Variants in RWDD2A observed in about 807,000 individuals in gnomAD.
The protein encoded by RWDD2A is RWD domain containing 2A.
A neutral mutation model predicts 23.1 loss-of-function variants in RWDD2A; 15 were observed. The observed-to-expected ratio is 0.65, with a 90% CI of 0.43 to 1.00. The LOEUF is 1.00. RWDD2A is among the 50% of genes least tolerant of loss of function. RWDD2A has a pLI of 0.00. For synonymous variants in RWDD2A, 103 were observed against 123.0 expected (o/e 0.84, Z 1.08); for missense variants, 310 against 341.7 (o/e 0.91, Z 0.73).
Position 83,195,708 on chromosome 6 carries a change from T to C in RWDD2A, c.315T>C (p.Gly105=), listed in dbSNP as rs757039949. 1 of 1,614,166 alleles carries C rather than the reference T, an allele frequency of 6.2e-7. No individual in the cohort carries two copies. The highest frequency in any genetic ancestry group is 8.5e-7 in the Non-Finnish European group (1 of 1,180,038). ...DRHQQLLLNK[G]LTSYIGTFDP... Reference sequence around the variant, plus strand: ...ATCAGCAGCTACTTCTCAACAAAGGTCTCACTTCTTACATAGGGACTTTTG... The same window carrying C: ...ATCAGCAGCTACTTCTCAACAAAGGCCTCACTTCTTACATAGGGACTTTTG... The change falls in exon 3 of 3, where the codon GGT becomes GGC. Residue 105 remains glycine, a synonymous_variant. Coordinates refer to ENST00000369724, the MANE Select transcript of RWDD2A (RefSeq NM_033411.5).
intron 1 of RWDD2A, 59 bp from the exon 2 acceptor site, chr6:83,194,242 GATGTTGTGCAT>G (rs1265030958): frequency 1.8e-6 from 1 of 545,380 alleles, no homozygotes; most frequent in Non-Finnish European, 3.2e-6. Context: ...TGTTTTAGAG[GATGTTGTGCAT>G]ACTAGATTTT....
At position 83,198,043 on chromosome 6, in the gene RWDD2A, T is replaced by C. The variant is rs1789659605; in HGVS notation, c.*1771T>C. ...CAAAGGGAAGAAATAGGACTTACAT[T>C]GCCAAGGAATCACTTCTTAATGTTT... On this transcript the variant is annotated 3_prime_UTR_variant, in exon 3 of 3. Coordinates refer to ENST00000369724, the MANE Select transcript of RWDD2A (RefSeq NM_033411.5). 6.6e-6 allele frequency: 1 copy of C among 152,208 alleles called. No individual in the cohort carries two copies. Among genetic ancestry groups the C allele is most frequent in the Admixed American group, 6.5e-5 (1 of 15,282 alleles). 9.4% of individuals were successfully genotyped at this position (152,208 alleles called of 1,614,324 possible).
rs998907845 is a variant in RWDD2A at position 83,197,211 on chromosome 6, A to G, written c.*939A>G. 1 of 152,216 alleles carries G rather than the reference A, an allele frequency of 6.6e-6. No individual in the cohort carries two copies. The highest frequency in any genetic ancestry group is 1.9e-4 in the East Asian group (1 of 5,198). The allele number at this position is 152,216 out of a possible 1,614,324, so 9.4% of individuals were successfully genotyped here. A position where few individuals can be genotyped will look rare whatever the true frequency, so the allele number is the denominator to read the frequency against. On this transcript the variant is annotated 3_prime_UTR_variant, in exon 3 of 3. Coordinates refer to ENST00000369724, the MANE Select transcript of RWDD2A (RefSeq NM_033411.5). ...AAGATAAACACATGGTTCCTTGTCT[A>G]CAAAGTATTCGCCTGTTTCAATCCA...
chr6:83,196,213 A>C lies in RWDD2A; in HGVS notation c.820A>C (p.Lys274Gln). 6.2e-7 allele frequency: 1 copy of C among 1,602,552 alleles called. No homozygotes were observed. The highest frequency in any genetic ancestry group is 8.5e-7 in the Non-Finnish European group (1 of 1,175,966). Residue 274 changes from lysine to glutamine, a missense_variant, in exon 3 of 3, where the codon AAA becomes CAA. Transcript: ENST00000369724. ...GQFLEFLKKH[K>Q]SEHVFQILFG... The stretch of plus-strand genomic sequence containing the variant: ...ATTCTTAGAATTTCTCAAGAAGCAC[A>C]AAAGTGAGCATGTTTTTCAGATACT...
At position 83,195,894 on chromosome 6, in the gene RWDD2A, G is replaced by A. The variant is rs777250561; in HGVS notation, c.501G>A (p.Gln167=). Residue 167 remains glutamine, a synonymous_variant, in exon 3 of 3, where the codon CAG becomes CAA. Transcript: ENST00000369724. The stretch of plus-strand genomic sequence containing the variant: ...GGATCTACAGTCACCATATATATCA[G>A]CAGGACCTAAGGAAAAAGATTTTGG... ...RMWIYSHHIY[Q]QDLRKKILDV... 1 of 1,614,192 alleles carries A rather than the reference G, an allele frequency of 6.2e-7. No individual in the cohort carries two copies. The highest frequency in any genetic ancestry group is 8.5e-7 in the Non-Finnish European group (1 of 1,180,048).
At position 83,196,135 on chromosome 6, in the gene RWDD2A, G is replaced by A; in HGVS notation, c.742G>A (p.Glu248Lys). The change falls in exon 3 of 3, where the codon GAG becomes AAG. Residue 248 changes from glutamate to lysine, a missense_variant. Glu to Lys is a moderately conservative substitution (Grantham distance 56). Coordinates refer to ENST00000369724, the MANE Select transcript of RWDD2A (RefSeq NM_033411.5). ...LFHSFEELLL[E>K]AHGDYGLRND... ...CCATTCTTTTGAAGAGTTACTCCTT[G>A]AGGCTCATGGTGACTATGGATTAAG... The A allele has an allele frequency of 6.2e-7, 1 of 1,614,054 alleles. No homozygotes were observed. Among genetic ancestry groups the A allele is most frequent in the Non-Finnish European group, 8.5e-7 (1 of 1,179,972 alleles).
rs973362024 is a variant in RWDD2A at position 83,198,755 on chromosome 6, T to C, written c.*2483T>C. ...TCAGCTGTTTGGCATTTCCTTTGAA[T>C]GACCCAGCATCTTCCCTTTTGTTGT... On this transcript the variant is annotated 3_prime_UTR_variant, in exon 3 of 3. Coordinates refer to ENST00000369724, the MANE Select transcript of RWDD2A (RefSeq NM_033411.5). 4 of 152,238 alleles carry C rather than the reference T, an allele frequency of 2.6e-5. No individual in the cohort carries two copies. The highest frequency in any genetic ancestry group is 6.5e-5 in the Admixed American group (1 of 15,288). The allele number at this position is 152,238 out of a possible 1,614,324, so 9.4% of individuals were successfully genotyped here. A position where few individuals can be genotyped will look rare whatever the true frequency, so the allele number is the denominator to read the frequency against.
chr6:83,195,122 A>G (rs1302951326), intron 2 of RWDD2A, among the ~76,000 whole-genome samples: 2 of 152,242 alleles, frequency 1.3e-5, no homozygotes, highest in African/African-American at 4.8e-5. Context: ...AGCATAGGTA[A>G]TACGTGGACT....
At chr6:83,194,769 A>G (rs1389304921) in intron 2 of RWDD2A, 117 bp downstream of exon 2, 1 of 734,826 alleles carries the variant, frequency 1.4e-6, no homozygotes, top group African/African-American at 1.8e-5. Flanking sequence ...TCCTTGTTTG[A>G]AAGATACGGA....
Position 83,194,625 on chromosome 6 carries a change from A to G in RWDD2A, c.174A>G (p.Val58=), listed in dbSNP as rs1789479674. The G allele has an allele frequency of 6.2e-7, 1 of 1,614,202 alleles. No individual in the cohort carries two copies. The highest frequency in any genetic ancestry group is 2.2e-5 in the East Asian group (1 of 44,886). The change falls in exon 2 of 3, where the codon GTA becomes GTG. Residue 58 remains valine (V), a synonymous_variant. Coordinates refer to ENST00000369724, the MANE Select transcript of RWDD2A (RefSeq NM_033411.5). The stretch of plus-strand genomic sequence containing the variant: ...CGCTGCCACCAAAAATCGAATTTGT[A>G]ATTACACTCCAGATTGAAGAGCCCA... ...REALPPKIEF[V]ITLQIEEPKV...
rs925894249 is a variant in RWDD2A, at chr6:83,196,708, GAGAAC to G, written c.*439_*443del. On this transcript the variant is annotated 3_prime_UTR_variant, in exon 3 of 3. Transcript: ENST00000369724. ...TGGAAATCTAAATCAAGTTTAAAATGAGAACAGGAAGGACATGTTTACTTCCTTTT... is the reference window on the plus strand; with the variant it reads ...TGGAAATCTAAATCAAGTTTAAAATGAGGAAGGACATGTTTACTTCCTTTT... 17 of 152,408 alleles carry G rather than the reference GAGAAC, an allele frequency of 1.1e-4. No individual in the cohort carries two copies. The highest frequency in any genetic ancestry group is 3.9e-4 in the African/African-American group (16 of 41,460). 9.4% of individuals were successfully genotyped at this position (152,408 alleles called of 1,614,324 possible).
At chr6:83,194,233 G>T in intron 1 of RWDD2A, 79 bp from the exon 2 acceptor site, 18 of 479,428 alleles carry the variant, frequency 3.8e-5, no homozygotes, top group East Asian at 1.0e-4. Flanking sequence ...TTTACGGAGT[G>T]TTTTAGAGGA....
rs1789675464 is a variant in RWDD2A, at chr6:83,198,457, G to A, written c.*2185G>A. 1 of 152,006 alleles carries A rather than the reference G, an allele frequency of 6.6e-6. No homozygotes were observed. The highest frequency in any genetic ancestry group is 2.1e-4 in the South Asian group (1 of 4,824). The allele number at this position is 152,006 out of a possible 1,614,324, so 9.4% of individuals were successfully genotyped here. ...CGTGTAGGTTTTATAGAAAAAAAAA[G>A]TACATGTATAATTCAAAACTCAACT... On this transcript the variant is annotated 3_prime_UTR_variant, in exon 3 of 3. Coordinates refer to ENST00000369724, the MANE Select transcript of RWDD2A (RefSeq NM_033411.5).
chr6:83,197,899 T>G lies in RWDD2A; in HGVS notation c.*1627T>G, dbSNP rs992318837. The stretch of plus-strand genomic sequence containing the variant: ...GTCCTCTCAGGGCACAACTCAGATC[T>G]TCAACCCATGGCTCGCTGTAGGCCT... On this transcript the variant is annotated 3_prime_UTR_variant, in exon 3 of 3. Coordinates refer to ENST00000369724, the MANE Select transcript of RWDD2A (RefSeq NM_033411.5). 1 of 152,246 alleles carries G rather than the reference T, an allele frequency of 6.6e-6. No individual in the cohort carries two copies. Among genetic ancestry groups the G allele is most frequent in the Non-Finnish European group, 1.5e-5 (1 of 68,062 alleles). The allele number at this position is 152,246 out of a possible 1,614,324, so 9.4% of individuals were successfully genotyped here. A position where few individuals can be genotyped will look rare whatever the true frequency, so the allele number is the denominator to read the frequency against.
rs1215784381 is a variant in RWDD2A at position 83,196,999 on chromosome 6, TCTTA to T, written c.*731_*734del. 6.6e-6 allele frequency: 1 copy of T among 152,228 alleles called. No individual in the cohort carries two copies. Among genetic ancestry groups the T allele is most frequent in the African/African-American group, 2.4e-5 (1 of 41,452 alleles). 9.4% of individuals were successfully genotyped at this position (152,228 alleles called of 1,614,324 possible). A position where few individuals can be genotyped will look rare whatever the true frequency, so the allele number is the denominator to read the frequency against. Reference sequence around the variant, plus strand: ...CCGCGCCCAGCCCGTTTACTTCATTTCTTACTTTAAACTCCTATTTCGAGTGTTT... The same window carrying T: ...CCGCGCCCAGCCCGTTTACTTCATTTCTTTAAACTCCTATTTCGAGTGTTT... On this transcript the variant is annotated 3_prime_UTR_variant, in exon 3 of 3. Transcript: ENST00000369724.
intron 1 of RWDD2A, chr6:83,193,915 G>GC (rs944616634): frequency 1.2e-4 from 11 of 91,188 alleles, no homozygotes; most frequent in African/African-American, 4.5e-4. Flanking sequence ...CCGCGGTGTT[G>GC]GGGGGGGGCG....
Position 83,196,254 on chromosome 6 carries a change from CA to C in RWDD2A, c.865del (p.Ser289ValfsTer14), listed in dbSNP as rs755335421. 1.2e-5 allele frequency: 19 copies of C among 1,568,558 alleles called. No homozygotes were observed. The highest frequency in any genetic ancestry group is 1.6e-5 in the Non-Finnish European group (19 of 1,160,000). ...VFQILFGIES[K>X]SSDS ...TTCAGATACTATTTGGTATTGAAAG[CA>C]AAAGTTCAGACTCATAAAAAGCGAT... is the stretch of plus-strand genomic sequence containing the variant. On this transcript the variant is annotated frameshift_variant, in exon 3 of 3. Coordinates refer to ENST00000369724, the MANE Select transcript of RWDD2A (RefSeq NM_033411.5). LOFTEE classifies it high-confidence loss of function.
intron 1 of RWDD2A, chr6:83,194,003 C>G (rs1437144800): frequency 6.5e-6 from 1 of 153,910 alleles, no homozygotes; most frequent in African/African-American, 2.4e-5. Flanking sequence ...TGCGGCCTCT[C>G]TCGCCGCAGC....
chr6:83,193,962 C>T (rs2128516965), intron 1 of RWDD2A: 1 of 153,364 alleles, frequency 6.5e-6, no homozygotes, highest in African/African-American at 2.4e-5. Context: ...GCGACTGGCG[C>T]TGGGGAACTC....
Sources: allele counts gnomAD v4.1 joint callset (sites outside exome capture counted in the v4.1 genomes callset), GRCh38; gene constraint gnomAD v4.1.1; transcripts MANE v1.5; gene names NCBI Gene and HGNC (gene_info 2026-07-23, HGNC 2026-07-21).